The following MTMR10 variants were observed in gnomAD, a reference collection of about 807,000 sequenced individuals.
The protein encoded by MTMR10 is myotubularin-related protein 10.
In MTMR10, 56 loss-of-function variants were observed where a neutral mutation model predicts 88.1. That is an observed-to-expected ratio of 0.64 (90% confidence interval 0.51 to 0.79). The LOEUF is 0.79. Ranked by LOEUF, MTMR10 falls within the 30% of genes least tolerant of loss-of-function variation. MTMR10 has a pLI of 0.00. For missense variants in MTMR10, 883 were observed against 924.7 expected, an observed-to-expected ratio of 0.95 and a Z score of 0.58; for synonymous variants, 380 against 340.9, an observed-to-expected ratio of 1.11 and a Z score of -1.26.
chr15:30,975,372 A>G (rs766456772), intron 3 of MTMR10, among the ~76,000 whole-genome samples: 4 of 152,224 alleles, frequency 2.6e-5, no homozygotes, highest in African/African-American at 4.8e-5. Flanking sequence ...CAAAATAACT[A>G]TCTTTTTAAA....
chr15:30,967,306 C>T (rs56179121), intron 6 of MTMR10, among the ~76,000 whole-genome samples: 3,777 of 152,166 alleles, frequency 0.025, 150 homozygotes, highest in African/African-American at 0.087. Flanking sequence ...ACAGAATGTA[C>T]AGAATTGCAT....
downstream of MTMR10, among the ~76,000 whole-genome samples, chr15:30,936,319 CAG>C (rs1272164299): frequency 1.3e-5 from 2 of 152,090 alleles, no homozygotes; most frequent in African/African-American, 4.8e-5. Context: ...ATGTCAAGAA[CAG>C]GGAGAAATGT....
chr15:30,946,004 G>GC (rs1194202323), intron 14 of MTMR10, among the ~76,000 whole-genome samples: 1 of 152,144 alleles, frequency 6.6e-6, no homozygotes, highest in African/African-American at 2.4e-5. Flanking sequence ...GTTTCTTTGA[G>GC]CCCTGGGTTC....
chr15:30,975,918 A>G (rs879895098), intron 3 of MTMR10, among the ~76,000 whole-genome samples: 7 of 152,244 alleles, frequency 4.6e-5, no homozygotes, highest in Admixed American at 2.6e-4. Flanking sequence ...CTGACAGAAA[A>G]GTCCAGGGTT....
At chr15:30,929,156 G>A in the MTMR10 span, 2 of 1,562,162 alleles carry the variant, frequency 1.3e-6, no homozygotes, top group Non-Finnish European at 1.7e-6. Context: ...TGGTGAACAC[G>A]GCTCTCTGCA....
chr15:30,977,638 G>A lies in MTMR10; in HGVS notation c.122-683C>T, dbSNP rs76545932. Among the ~76,000 whole-genome samples the A allele has an allele frequency of 8.9e-4, 136 of 152,280 alleles. 1 individual carries two copies. In the East Asian group the frequency reaches 0.011, roughly 12 times the overall value. ...AATTTCAAGATCTAAAAGTCAACTA[G>A]ACGCAGAACATTTTAAGCCATCTGT... On this transcript the variant is annotated intron_variant, in intron 2 of 15. Transcript: ENST00000435680.
chr15:30,967,533 C>T (rs1410843446), intron 6 of MTMR10, among the ~76,000 whole-genome samples: 1 of 152,140 alleles, frequency 6.6e-6, no homozygotes, highest in African/African-American at 2.4e-5. Context: ...GAAATCACAC[C>T]TTGCCAGAAA....
At chr15:30,924,692 C>A in the MTMR10 span, among the ~76,000 whole-genome samples, 1 of 152,144 alleles carries the variant, frequency 6.6e-6, no homozygotes, top group Non-Finnish European at 1.5e-5. Context: ...ATTGACCTGG[C>A]GCTTTGATGT....
intron 2 of MTMR10, among the ~76,000 whole-genome samples, chr15:30,982,631 GAAGA>G (rs1057137868): frequency 1.3e-5 from 2 of 152,198 alleles, no homozygotes; most frequent in Non-Finnish European, 2.9e-5. Context: ...TACAGGGGAA[GAAGA>G]AAGAAAAGAA....
At chr15:30,938,139 G>A (rs2062917643), downstream of MTMR10, among the ~76,000 whole-genome samples, 1 of 151,462 alleles carries the variant, frequency 6.6e-6, no homozygotes, top group South Asian at 2.1e-4. Context: ...AGCCGAGATT[G>A]CACCACTGCA....
chr15:30,960,260 GATTAC>G, intron 7 of MTMR10, among the ~76,000 whole-genome samples: 1 of 96,504 alleles, frequency 1.0e-5, no homozygotes, highest in South Asian at 4.3e-4. Flanking sequence ...TGGTCGTCAG[GATTAC>G]AATGAGAGAG....
intron 6 of MTMR10, among the ~76,000 whole-genome samples, chr15:30,965,384 G>C (rs1337449913): frequency 1.3e-5 from 2 of 152,214 alleles, no homozygotes; most frequent in African/African-American, 4.8e-5. Context: ...GCATCTGTAA[G>C]CAGGATGTCT....
intron 2 of MTMR10, among the ~76,000 whole-genome samples, chr15:30,990,154 A>G (rs1341491539): frequency 6.6e-6 from 1 of 152,124 alleles, no homozygotes; most frequent in Non-Finnish European, 1.5e-5. Flanking sequence ...AAAATTGGCA[A>G]TGACTGGTGG....
chr15:30,935,085 T>A (rs1488374782), downstream of MTMR10, among the ~76,000 whole-genome samples: 2 of 152,166 alleles, frequency 1.3e-5, no homozygotes, highest in East Asian at 3.9e-4. Context: ...GTGGGCGGAT[T>A]GCTTGGGCTC....
intron 4 of MTMR10, among the ~76,000 whole-genome samples, chr15:30,974,713 C>G (rs2029983679): frequency 6.6e-6 from 1 of 151,936 alleles, no homozygotes; most frequent in African/African-American, 2.4e-5. Flanking sequence ...AAAAAGAGGA[C>G]AAAAAACCTA....
chr15:30,960,425 C>T (rs1475225178), intron 7 of MTMR10, among the ~76,000 whole-genome samples: 2 of 152,336 alleles, frequency 1.3e-5, no homozygotes, highest in African/African-American at 2.4e-5. Flanking sequence ...CAGAGGAACA[C>T]ATTACGGGAC....
In MTMR10 at chr15:30,963,674, T is replaced by C. The variant is rs1051876250; in HGVS notation, c.566-2601A>G. On this transcript the variant is annotated intron_variant, in intron 6 of 15. Transcript: ENST00000435680. Reference sequence around the variant, plus strand: ...ACAGATAGATAGATAGACAGACAGATAGATAGATAGATAGATAGTAAAATG... The same window carrying C: ...ACAGATAGATAGATAGACAGACAGACAGATAGATAGATAGATAGTAAAATG... Among the ~76,000 whole-genome samples the C allele has an allele frequency of 1.3e-4, 19 of 148,378 alleles. No homozygotes were observed. In the South Asian group the frequency reaches 1.7e-3, roughly 13 times the overall value.
intron 2 of MTMR10, among the ~76,000 whole-genome samples, chr15:30,987,006 C>A (rs1011740440): frequency 6.6e-6 from 1 of 152,194 alleles, no homozygotes; most frequent in Non-Finnish European, 1.5e-5. Flanking sequence ...AAGTCAAACT[C>A]AGTTTTCAAG....
chr15:30,943,525 C>G (rs1448451856), intron 14 of MTMR10: 1 of 985,260 alleles, frequency 1.0e-6, no homozygotes, highest in Non-Finnish European at 1.2e-6. Flanking sequence ...TAACTTACTT[C>G]GTAAGTGGGG....
Sources: allele counts gnomAD v4.1 joint callset (sites outside exome capture counted in the v4.1 genomes callset), GRCh38; gene constraint gnomAD v4.1.1; transcripts MANE v1.5; gene names NCBI Gene and HGNC (gene_info 2026-07-23, HGNC 2026-07-21).